PDE4D: variants seen among roughly 807,000 people sequenced by gnomAD.
PDE4D encodes the protein 3',5'-cyclic-AMP phosphodiesterase 4D.
Under a neutral mutation model 87.4 loss-of-function variants are expected in PDE4D, and 24 were observed. The ratio of observed to expected loss-of-function variants is 0.27; its 90% confidence interval spans 0.20 to 0.39. The LOEUF is 0.39. Among genes scored for constraint, PDE4D ranks in the 10% least tolerant of loss-of-function variants. The pLI, the probability that PDE4D is intolerant of heterozygous loss-of-function variation, is 1.00. For missense variants in PDE4D, 714 were observed against 1,041.0 expected, an observed-to-expected ratio of 0.69 and a Z score of 4.32; for synonymous variants, 384 against 383.2, an observed-to-expected ratio of 1.00 and a Z score of -0.02.
chr5:60,047,227 T>A (rs953642862), intron 2 of PDE4D, among the ~76,000 whole-genome samples: 27 of 152,234 alleles, frequency 1.8e-4, no homozygotes, highest in African/African-American at 6.5e-4. Flanking sequence ...CCTTTATCAT[T>A]TTTTATTGCG....
intron 1 of PDE4D, among the ~76,000 whole-genome samples, chr5:59,638,612 C>G (rs1323849982): frequency 6.6e-6 from 1 of 152,084 alleles, no homozygotes; most frequent in Non-Finnish European, 1.5e-5. Context: ...CTCAGTGCCC[C>G]CACCCTCTAC....
At chr5:59,867,625 A>C (rs1322673786) in intron 1 of PDE4D, among the ~76,000 whole-genome samples, 1 of 152,176 alleles carries the variant, frequency 6.6e-6, no homozygotes, top group African/African-American at 2.4e-5. Flanking sequence ...TGAACAAATA[A>C]GTAAAAGAAT....
At chr5:59,665,055 T>C (rs1745849709) in intron 1 of PDE4D, among the ~76,000 whole-genome samples, 1 of 152,176 alleles carries the variant, frequency 6.6e-6, no homozygotes, top group Non-Finnish European at 1.5e-5. Flanking sequence ...CATGTCCCCC[T>C]GAAATTTGAC....
chr5:60,247,079 C>T (rs1356714321), intron 1 of PDE4D, among the ~76,000 whole-genome samples: 1 of 151,898 alleles, frequency 6.6e-6, no homozygotes, highest in Non-Finnish European at 1.5e-5. Context: ...TTCCTTGTCT[C>T]TTCTGTTCTG....
intron 2 of PDE4D, among the ~76,000 whole-genome samples, chr5:60,055,822 A>G (rs1448324565): frequency 6.6e-6 from 1 of 152,082 alleles, no homozygotes; most frequent in Non-Finnish European, 1.5e-5. Context: ...CTTTCATACT[A>G]CAGGTTGGAG....
At chr5:59,649,275 T>C (rs2150228505) in intron 1 of PDE4D, among the ~76,000 whole-genome samples, 1 of 152,222 alleles carries the variant, frequency 6.6e-6, no homozygotes, top group Middle Eastern at 3.4e-3. Context: ...TGAGAAGATA[T>C]GAGGAAGAGA....
intron 1 of PDE4D, among the ~76,000 whole-genome samples, chr5:59,557,687 G>A (rs1283057633): frequency 6.6e-6 from 1 of 152,164 alleles, no homozygotes; most frequent in Non-Finnish European, 1.5e-5. Flanking sequence ...GATACTGTGA[G>A]AGAATAAGGC....
intron 1 of PDE4D, among the ~76,000 whole-genome samples, chr5:59,220,377 C>CAAAAAAAAAAAA (rs57610513): frequency 8.3e-5 from 3 of 36,158 alleles, no homozygotes; most frequent in Non-Finnish European, 1.3e-4. Flanking sequence ...GACTCTGTCT[C>CAAAAAAAAAAAA]AAAAAAAAAA....
At chr5:59,530,672 C>G (rs1263079875) in intron 1 of PDE4D, among the ~76,000 whole-genome samples, 2 of 152,008 alleles carry the variant, frequency 1.3e-5, no homozygotes, top group African/African-American at 4.8e-5. Context: ...GCCTACTGTA[C>G]TTGGAAGTAT....
intron 1 of PDE4D, among the ~76,000 whole-genome samples, chr5:60,193,015 A>C (rs962916415): frequency 1.4e-4 from 21 of 152,180 alleles, no homozygotes; most frequent in Non-Finnish European, 4.4e-5. Context: ...GGGAATCTAT[A>C]GACTGAGAAA....
At chr5:59,961,666 T>C (rs985256901) in intron 3 of PDE4D, among the ~76,000 whole-genome samples, 5 of 152,266 alleles carry the variant, frequency 3.3e-5, no homozygotes, top group African/African-American at 1.2e-4. Flanking sequence ...GTGTGTTAGA[T>C]GGTGATAATT....
chr5:58,978,194 T>C (rs1312475260), intron 11 of PDE4D, among the ~76,000 whole-genome samples: 1 of 152,136 alleles, frequency 6.6e-6, no homozygotes, highest in Non-Finnish European at 1.5e-5. Flanking sequence ...GCAGGAGGAT[T>C]GCTTAAGCCC....
chr5:59,014,444 C>CA lies in PDE4D; in HGVS notation c.922-20980dup, dbSNP rs201360776. On this transcript the variant is annotated intron_variant, in intron 6 of 14. Transcript: ENST00000340635. ...TCCTTAAGCTGATAAACAACTTCAG[C>CA]AAAGTCTCAAGATACAAAACCAATG... Among the ~76,000 whole-genome samples the CA allele has an allele frequency of 7.7e-3, 1,166 of 152,274 alleles. 14 individuals are homozygous for CA. The highest frequency in any genetic ancestry group is 0.027 in the African/African-American group (1,113 of 41,566).
At chr5:59,228,447 A>C (rs1038849273) in intron 1 of PDE4D, among the ~76,000 whole-genome samples, 4 of 151,988 alleles carry the variant, frequency 2.6e-5, no homozygotes, top group African/African-American at 9.7e-5. Flanking sequence ...AACAAAAAAA[A>C]AAAACAAGCA....
intron 1 of PDE4D, among the ~76,000 whole-genome samples, chr5:59,875,779 TA>T (rs1225328637): frequency 6.6e-6 from 1 of 152,000 alleles, no homozygotes; most frequent in Non-Finnish European, 1.5e-5. Context: ...GCATTAGCCA[TA>T]AAAAAAGAAC....
intron 2 of PDE4D, among the ~76,000 whole-genome samples, chr5:60,114,239 T>C (rs1165476356): frequency 3.3e-5 from 5 of 152,148 alleles, no homozygotes; most frequent in Non-Finnish European, 1.5e-5. Flanking sequence ...TATTTATTTT[T>C]ACAAGATGGC....
In PDE4D at chr5:59,397,267, C is replaced by A. The variant is rs1301749408; in HGVS notation, c.456-181299G>T. Among the ~76,000 whole-genome samples, 8 of 122,764 alleles carry A rather than the reference C, an allele frequency of 6.5e-5. 1 individual carries two copies. Among genetic ancestry groups the A allele is most frequent in the Non-Finnish European group, 1.2e-4 (7 of 57,440 alleles). The allele number at this position is 122,764 out of a possible 152,430, so 80.5% of individuals were successfully genotyped here. On this transcript the variant is annotated intron_variant, in intron 1 of 14. Coordinates refer to ENST00000340635, the MANE Select transcript of PDE4D (RefSeq NM_001104631.2). ...TACAGAACTCTCCACTCCAAATCAA[C>A]AGAATATACATTTTTTTCAGCACCA...
chr5:59,456,751 T>A (rs1233671408), intron 1 of PDE4D, among the ~76,000 whole-genome samples: 1 of 152,094 alleles, frequency 6.6e-6, no homozygotes, highest in Non-Finnish European at 1.5e-5. Context: ...GGTCAAAATA[T>A]CAACATTACC....
At chr5:59,275,498 T>C in intron 1 of PDE4D, 1 of 1,510,482 alleles carries the variant, frequency 6.6e-7, no homozygotes, top group South Asian at 1.3e-5. Flanking sequence ...GATATTCCAT[T>C]TCCAAGGGAG....
Sources: allele counts gnomAD v4.1 joint callset (sites outside exome capture counted in the v4.1 genomes callset), GRCh38; gene constraint gnomAD v4.1.1; transcripts MANE v1.5; gene names NCBI Gene and HGNC (gene_info 2026-07-23, HGNC 2026-07-21).